Variants in METTL25 observed in about 807,000 individuals in gnomAD.
METTL25 encodes the protein probable methyltransferase-like protein 25.
Under a neutral mutation model 71.6 loss-of-function variants are expected in METTL25, and 64 were observed. The ratio of observed to expected loss-of-function variants is 0.89; its 90% CI spans 0.73 to 1.10. The LOEUF is 1.10. Among genes scored for constraint, METTL25 ranks in the 50% least tolerant of loss-of-function variants. The probability of loss-of-function intolerance (pLI) is 0.00; values close to 1 mark genes in which losing one functional copy is unlikely to be tolerated. For synonymous variants in METTL25, 287 were observed against 250.3 expected (o/e 1.15, Z -1.38); for missense variants, 807 against 707.0 (o/e 1.14, Z -1.60).
chr12:82,420,557 A>G (rs1888386029), intron 5 of METTL25, among the ~76,000 whole-genome samples: 1 of 152,152 alleles, frequency 6.6e-6, no homozygotes, highest in African/African-American at 2.4e-5. Context: ...GAGGGGAAAA[A>G]TACATATCAG....
At chr12:82,383,237 C>T (rs190621627) in intron 1 of METTL25, among the ~76,000 whole-genome samples, 72 of 151,944 alleles carry the variant, frequency 4.7e-4, no homozygotes, top group East Asian at 4.5e-3. Context: ...TGCAGTGGCG[C>T]GTTCTCGGCT....
chr12:82,383,937 C>T (rs1373114314), intron 1 of METTL25, among the ~76,000 whole-genome samples: 2 of 152,094 alleles, frequency 1.3e-5, no homozygotes, highest in Non-Finnish European at 2.9e-5. Context: ...TCTTTCCTTC[C>T]CTTCTTCCCT....
At position 82,422,429 on chromosome 12, in the gene METTL25, A is replaced by G. The variant is rs532143917; in HGVS notation, c.1280-8464A>G. On this transcript the variant is annotated intron_variant, in intron 5 of 11. Transcript: ENST00000248306. Reference sequence around the variant, plus strand: ...AATGAGCTATGTATGACAAACCCACAGCCAATATCATACTGAATGGGCAAA... The same window carrying G: ...AATGAGCTATGTATGACAAACCCACGGCCAATATCATACTGAATGGGCAAA... Among the ~76,000 whole-genome samples, 5 of 152,276 alleles carry G rather than the reference A, an allele frequency of 3.3e-5. No individual in the cohort carries two copies. In the East Asian group the frequency reaches 9.7e-4, roughly 29 times the overall value.
At chr12:82,436,830 A>G (rs930482482) in intron 7 of METTL25, among the ~76,000 whole-genome samples, 1 of 151,626 alleles carries the variant, frequency 6.6e-6, no homozygotes, top group South Asian at 2.1e-4. Flanking sequence ...ATAAAATTAA[A>G]CTTACCTATT....
chr12:82,447,893 A>G (rs1233822967), intron 8 of METTL25, among the ~76,000 whole-genome samples: 5 of 152,106 alleles, frequency 3.3e-5, no homozygotes, highest in African/African-American at 1.2e-4. Context: ...AATATCTAAT[A>G]TAGGCACCTC....
At chr12:82,402,868 C>A in intron 4 of METTL25, 115 bp from the exon 5 acceptor site, 2 of 687,658 alleles carry the variant, frequency 2.9e-6, no homozygotes, top group Middle Eastern at 4.1e-4. Flanking sequence ...CTGTGAATAG[C>A]CACCACAGTG....
chr12:82,410,285 CTAA>C (rs779532689), intron 5 of METTL25, among the ~76,000 whole-genome samples: 3 of 152,026 alleles, frequency 2.0e-5, no homozygotes, highest in Non-Finnish European at 4.4e-5. Flanking sequence ...AAATGTATGA[CTAA>C]TGTCTTAGTC....
At chr12:82,461,197 T>C (rs1206353365) in intron 9 of METTL25, among the ~76,000 whole-genome samples, 1 of 152,050 alleles carries the variant, frequency 6.6e-6, no homozygotes, top group Non-Finnish European at 1.5e-5. Context: ...AAGAAAAGAG[T>C]ATACAGTATA....
chr12:82,409,183 C>T (rs1167793572), intron 5 of METTL25, among the ~76,000 whole-genome samples: 3 of 151,992 alleles, frequency 2.0e-5, no homozygotes, highest in Non-Finnish European at 2.9e-5. Flanking sequence ...TCAAAAATAC[C>T]GCAAAGCTCT....
At chr12:82,380,954 T>G (rs1194707173) in intron 1 of METTL25, among the ~76,000 whole-genome samples, 1 of 152,096 alleles carries the variant, frequency 6.6e-6, no homozygotes. Context: ...CAGACAGAGG[T>G]AAAAACAAGT....
chr12:82,366,813 AT>A (rs1882628047), intron 1 of METTL25, among the ~76,000 whole-genome samples: 1 of 152,004 alleles, frequency 6.6e-6, no homozygotes, highest in African/African-American at 2.4e-5. Flanking sequence ...TTCCTTATAT[AT>A]TTTTCTGAAT....
At chr12:82,388,149 A>C (rs1259077769) in intron 2 of METTL25, among the ~76,000 whole-genome samples, 14 of 152,038 alleles carry the variant, frequency 9.2e-5, no homozygotes, top group South Asian at 2.1e-4. Flanking sequence ...TAGGAGTACT[A>C]CTCAAGTGAT....
chr12:82,451,729 T>A (rs1439830487), intron 8 of METTL25, among the ~76,000 whole-genome samples: 2 of 152,142 alleles, frequency 1.3e-5, no homozygotes, highest in Admixed American at 6.6e-5. Flanking sequence ...AAGTGATTAT[T>A]TGCCTATCAA....
intron 1 of METTL25, among the ~76,000 whole-genome samples, chr12:82,379,107 C>T (rs915749101): frequency 8.5e-5 from 13 of 152,084 alleles, no homozygotes; most frequent in African/African-American, 3.1e-4. Flanking sequence ...AGTCTAGGTC[C>T]AGATCAAGAT....
intron 7 of METTL25, 30 bp from the exon 8 acceptor site, chr12:82,438,688 T>C: frequency 1.4e-6 from 2 of 1,388,934 alleles, no homozygotes. Flanking sequence ...TTTTGTTTCT[T>C]GTGCTTATAT....
intron 3 of METTL25, among the ~76,000 whole-genome samples, chr12:82,392,945 A>G (rs1200972663): frequency 1.3e-5 from 2 of 151,936 alleles, no homozygotes; most frequent in African/African-American, 4.8e-5. Context: ...CTGTAAATGC[A>G]TGGATTTAAT....
intron 9 of METTL25, among the ~76,000 whole-genome samples, chr12:82,458,412 A>G (rs1233705542): frequency 6.6e-6 from 1 of 152,186 alleles, no homozygotes; most frequent in African/African-American, 2.4e-5. Context: ...CAAACTGGAA[A>G]GACAGGCAAA....
At chr12:82,460,437 A>G (rs569974963) in intron 9 of METTL25, among the ~76,000 whole-genome samples, 5 of 152,354 alleles carry the variant, frequency 3.3e-5, no homozygotes. Context: ...GGAACTTTCC[A>G]GTGAAGAACC....
chr12:82,361,936 A>G (rs1881983893), intron 1 of METTL25, among the ~76,000 whole-genome samples: 1 of 152,244 alleles, frequency 6.6e-6, no homozygotes, highest in Admixed American at 6.5e-5. Context: ...GGAGGCGCCA[A>G]GAGCGAGTGA....
Sources: allele counts gnomAD v4.1 joint callset (sites outside exome capture counted in the v4.1 genomes callset), GRCh38; gene constraint gnomAD v4.1.1; transcripts MANE v1.5; gene names NCBI Gene and HGNC (gene_info 2026-07-23, HGNC 2026-07-21).